Variants in HIVEP1 observed in about 807,000 individuals in gnomAD.
The protein encoded by HIVEP1 is HIVEP zinc finger 1.
A neutral mutation model predicts 180.0 loss-of-function variants in HIVEP1; 36 were observed. The observed-to-expected ratio is 0.20, with a 90% CI of 0.15 to 0.26. HIVEP1 has a LOEUF of 0.26. Among genes scored for constraint, HIVEP1 ranks in the 10% least tolerant of loss-of-function variants. The probability of loss-of-function intolerance (pLI) is 1.00; values close to 1 mark genes in which losing one functional copy is unlikely to be tolerated. For missense variants in HIVEP1, 3,143 were observed against 3,268.7 expected, an observed-to-expected ratio of 0.96 and a Z score of 0.94; for synonymous variants, 1,239 against 1,239.0, an observed-to-expected ratio of 1.00 and a Z score of 0.00.
At chr6:12,193,734 C>A in the HIVEP1 span, among the ~76,000 whole-genome samples, 1 of 152,110 alleles carries the variant, frequency 6.6e-6, no homozygotes, top group Non-Finnish European at 1.5e-5. Context: ...TTAGTGACCC[C>A]CTACTACGGT....
chr6:12,123,850 A>G lies in HIVEP1; in HGVS notation c.4055A>G (p.Asn1352Ser), dbSNP rs1352329144. The change falls in exon 4 of 9, where the codon AAT becomes AGT. Residue 1352 changes from asparagine to serine, a missense_variant. By Grantham distance (46) the Asn-to-Ser change is conservative (BLOSUM62 1). Around this residue, in one of 12 missense-constraint regions of HIVEP1, gnomAD observed 1,357 missense variants for 1,260.5 expected, o/e 1.08. Coordinates refer to ENST00000379388, the MANE Select transcript of HIVEP1 (RefSeq NM_002114.4). ...TTTCTTATGATTCCAGCTGGCTTGA[A>G]TACTCTGAATGTTCCTGGATGTCAC... is the stretch of plus-strand genomic sequence containing the variant. ...AEFLMIPAGL[N>S]TLNVPGCHRE... 1.2e-6 allele frequency: 2 copies of G among 1,614,054 alleles called. No homozygotes were observed. Among genetic ancestry groups the G allele is most frequent in the Non-Finnish European group, 1.7e-6 (2 of 1,180,020 alleles).
chr6:12,025,904 G>A (rs1037558039), intron 2 of HIVEP1, among the ~76,000 whole-genome samples: 4 of 152,218 alleles, frequency 2.6e-5, no homozygotes, highest in African/African-American at 9.7e-5. Context: ...GCTGGGCTTG[G>A]TGGCAGGTCC....
At chr6:12,023,825 G>C (rs1768407752) in intron 2 of HIVEP1, among the ~76,000 whole-genome samples, 2 of 152,120 alleles carry the variant, frequency 1.3e-5, no homozygotes, top group South Asian at 4.1e-4. Flanking sequence ...TACAAAATAT[G>C]TTCTGATGAG....
At chr6:12,068,237 C>G (rs1387768542) in intron 2 of HIVEP1, among the ~76,000 whole-genome samples, 2 of 152,058 alleles carry the variant, frequency 1.3e-5, no homozygotes, top group Non-Finnish European at 2.9e-5. Context: ...ATTACAGATG[C>G]ACACCACCAT....
intron 2 of HIVEP1, among the ~76,000 whole-genome samples, chr6:12,046,783 T>TA (rs111388690): frequency 0.23 from 33,974 of 148,908 alleles, 4,085 homozygotes; most frequent in African/African-American, 0.32. Context: ...GTCTCAAAAT[T>TA]AAAAAAAAGA....
At chr6:12,065,420 G>A (rs1390519605) in intron 2 of HIVEP1, among the ~76,000 whole-genome samples, 1 of 152,224 alleles carries the variant, frequency 6.6e-6, no homozygotes, top group East Asian at 1.9e-4. Flanking sequence ...TCAAGAGCAT[G>A]TGACATTGAT....
chr6:12,115,778 C>G (rs1427076986), intron 3 of HIVEP1, among the ~76,000 whole-genome samples: 1 of 151,878 alleles, frequency 6.6e-6, no homozygotes, highest in Admixed American at 6.6e-5. Context: ...AACAAACATG[C>G]AAAATGACAA....
At chr6:12,119,845 T>C (rs544400898) in intron 3 of HIVEP1, 45 bp from the exon 4 acceptor site, 32 of 1,230,966 alleles carry the variant, frequency 2.6e-5, no homozygotes, top group Non-Finnish European at 3.5e-5. Flanking sequence ...AGTTGGTGTA[T>C]GTACAATGTT....
chr6:12,073,034 A>T (rs747518346), intron 2 of HIVEP1, among the ~76,000 whole-genome samples: 1 of 152,008 alleles, frequency 6.6e-6, no homozygotes, highest in Non-Finnish European at 1.5e-5. Flanking sequence ...AACAATGTGG[A>T]TATGTTTTAG....
chr6:12,135,405 CAA>C (rs1030330607), intron 6 of HIVEP1, among the ~76,000 whole-genome samples: 1 of 152,112 alleles, frequency 6.6e-6, no homozygotes, highest in African/African-American at 2.4e-5. Flanking sequence ...TGCAAAGAAA[CAA>C]ATGAGAAAGA....
intron 2 of HIVEP1, among the ~76,000 whole-genome samples, chr6:12,033,058 T>C (rs1769056602): frequency 6.6e-6 from 1 of 152,190 alleles, no homozygotes; most frequent in Non-Finnish European, 1.5e-5. Flanking sequence ...TGTCTTATGA[T>C]TTTTCGACCC....
intron 2 of HIVEP1, among the ~76,000 whole-genome samples, chr6:12,061,434 G>A (rs1195978385): frequency 6.6e-6 from 1 of 152,192 alleles, no homozygotes; most frequent in East Asian, 1.9e-4. Flanking sequence ...AAATGACTGT[G>A]TTACTAACCT....
chr6:12,100,812 A>G (rs1774072224), intron 3 of HIVEP1, among the ~76,000 whole-genome samples: 1 of 152,158 alleles, frequency 6.6e-6, no homozygotes, highest in South Asian at 2.1e-4. Flanking sequence ...CACTAATATG[A>G]TGCTCAAAAG....
rs569993742 is a variant in HIVEP1 at position 12,049,974 on chromosome 6, G to C, written c.40+34306G>C. Among the ~76,000 whole-genome samples the C allele has an allele frequency of 6.6e-5, 10 of 152,250 alleles. No individual in the cohort carries two copies. The East Asian group carries it at 1.9e-3, about 29-fold the overall frequency. Reference sequence around the variant, plus strand: ...TGTCACTTTCTGGGGTGTTGCTGGCGATGATATGGGCTCTCTGGAGCATAT... The same window carrying C: ...TGTCACTTTCTGGGGTGTTGCTGGCCATGATATGGGCTCTCTGGAGCATAT... On this transcript the variant is annotated intron_variant, in intron 2 of 8. Coordinates refer to ENST00000379388, the MANE Select transcript of HIVEP1 (RefSeq NM_002114.4).
intron 3 of HIVEP1, among the ~76,000 whole-genome samples, chr6:12,117,735 G>C (rs551459441): frequency 1.3e-5 from 2 of 152,178 alleles, no homozygotes; most frequent in Non-Finnish European, 2.9e-5. Context: ...GCCTGACATG[G>C]GTAGATTATT....
chr6:12,074,566 G>T (rs529373573), intron 2 of HIVEP1, among the ~76,000 whole-genome samples: 11 of 150,252 alleles, frequency 7.3e-5, no homozygotes, highest in African/African-American at 2.7e-4. Flanking sequence ...AGGGGTTCTT[G>T]ACATGGATTT....
At chr6:12,095,128 T>C (rs1038920403) in intron 3 of HIVEP1, among the ~76,000 whole-genome samples, 2 of 152,114 alleles carry the variant, frequency 1.3e-5, no homozygotes, top group Non-Finnish European at 2.9e-5. Context: ...GCTTCTATCA[T>C]TGATTTGTGC....
chr6:12,130,890 A>C lies in HIVEP1; in HGVS notation c.6333A>C (p.Thr2111=). The C allele has an allele frequency of 1.2e-6, 2 of 1,613,282 alleles. No individual in the cohort carries two copies. Among genetic ancestry groups the C allele is most frequent in the Non-Finnish European group, 1.7e-6 (2 of 1,179,342 alleles). Reference sequence around the variant, plus strand: ...TAAAGAAACACATACGAACCCATACAGATGTCCGCCCCTACCACTGCACTT... The same window carrying C: ...TAAAGAAACACATACGAACCCATACCGATGTCCGCCCCTACCACTGCACTT... ...SMLKKHIRTH[T]DVRPYHCTYC... Residue 2111 remains threonine (T), a synonymous_variant, in exon 6 of 9, where the codon ACA becomes ACC. Coordinates refer to ENST00000379388, the MANE Select transcript of HIVEP1 (RefSeq NM_002114.4).
chr6:12,068,715 T>G (rs1771767168), intron 2 of HIVEP1, among the ~76,000 whole-genome samples: 1 of 152,216 alleles, frequency 6.6e-6, no homozygotes, highest in Non-Finnish European at 1.5e-5. Flanking sequence ...TTATATACTT[T>G]CAGGGAATTG....
Sources: gnomAD v4.1 joint callset for allele counts (sites outside exome capture counted in the v4.1 genomes callset) on GRCh38, gnomAD v4.1.1 for gene constraint, gnomAD v4.1.1 regional missense constraint, MANE v1.5 for transcripts, NCBI Gene and HGNC (gene_info 2026-07-23, HGNC 2026-07-21) for gene names.